CNGA1: variants seen among roughly 807,000 people sequenced by gnomAD.
CNGA1 encodes cyclic nucleotide gated channel subunit alpha 1, also known as cyclic nucleotide-gated channel alpha-1.
Under a neutral mutation model 69.7 loss-of-function variants are expected in CNGA1, and 53 were observed. The observed-to-expected ratio is 0.76, with a 90% CI of 0.61 to 0.96. The LOEUF is 0.96. Among genes scored for constraint, CNGA1 ranks in the 40% least tolerant of loss-of-function variants. CNGA1 has a pLI of 0.00. For synonymous variants in CNGA1, 249 were observed against 283.5 expected, an observed-to-expected ratio of 0.88 and a Z score of 1.22; for missense variants, 739 against 811.2, an observed-to-expected ratio of 0.91 and a Z score of 1.08.
At chr4:47,969,881 A>C (rs1321992099) in intron 3 of CNGA1, among the ~76,000 whole-genome samples, 7 of 152,246 alleles carry the variant, frequency 4.6e-5, no homozygotes, top group Admixed American at 3.9e-4. Flanking sequence ...TACTAGCCAC[A>C]GGAAGTGTAC....
intron 3 of CNGA1, among the ~76,000 whole-genome samples, chr4:47,977,023 T>C (rs1351831963): frequency 1.3e-5 from 2 of 152,072 alleles, no homozygotes; most frequent in Admixed American, 6.6e-5. Context: ...GTAGAGGAAA[T>C]GAGCTTTCTT....
chr4:47,938,118 G>A (rs560036772), intron 10 of CNGA1, among the ~76,000 whole-genome samples: 2 of 150,374 alleles, frequency 1.3e-5, no homozygotes, highest in South Asian at 2.1e-4. Flanking sequence ...TGAGGCTGCA[G>A]TGAGCCATGA....
At chr4:47,954,683 G>A (rs1739957223) in intron 3 of CNGA1, among the ~76,000 whole-genome samples, 1 of 152,204 alleles carries the variant, frequency 6.6e-6, no homozygotes. Context: ...GATCACCTAG[G>A]CGTGGAGTTT....
chr4:47,949,029 G>A (rs577223171), intron 6 of CNGA1, among the ~76,000 whole-genome samples: 17 of 152,290 alleles, frequency 1.1e-4, no homozygotes, highest in African/African-American at 3.6e-4. Context: ...AAATAACCAG[G>A]ATCCTGGAGT....
rs570313956 is a variant in CNGA1, at chr4:48,016,657, C to T, written c.-397G>A. The T allele has an allele frequency of 3.5e-6, 2 of 568,582 alleles. No homozygotes were observed. Among genetic ancestry groups the T allele is most frequent in the Middle Eastern group, 4.7e-4 (1 of 2,138 alleles). 35.2% of individuals were successfully genotyped at this position (568,582 alleles called of 1,614,324 possible). On this transcript the variant is annotated 5_prime_UTR_variant, in exon 1 of 11. Transcript: ENST00000514170. ...GGCCCTGAGAATTCGCAACAAGCCCCGGGCAGCAGGGCTCGGCTGGCGCTG... is the reference window on the plus strand; with the variant it reads ...GGCCCTGAGAATTCGCAACAAGCCCTGGGCAGCAGGGCTCGGCTGGCGCTG...
At chr4:47,975,615 G>T (rs1374232839) in intron 3 of CNGA1, among the ~76,000 whole-genome samples, 4 of 152,088 alleles carry the variant, frequency 2.6e-5, no homozygotes, top group Non-Finnish European at 5.9e-5. Context: ...TTAAGAGCAA[G>T]AATTCTGTTT....
chr4:47,945,891 T>A (rs1021021303), intron 6 of CNGA1, among the ~76,000 whole-genome samples: 5 of 151,846 alleles, frequency 3.3e-5, no homozygotes, highest in African/African-American at 1.2e-4. Flanking sequence ...GCAGCTGACA[T>A]GTCCTATGTG....
At chr4:47,994,700 C>A (rs1742409014) in intron 2 of CNGA1, among the ~76,000 whole-genome samples, 1 of 152,096 alleles carries the variant, frequency 6.6e-6, no homozygotes, top group Non-Finnish European at 1.5e-5. Flanking sequence ...AGGTGCCATT[C>A]CATTCATTGT....
intron 3 of CNGA1, among the ~76,000 whole-genome samples, chr4:47,974,533 G>A (rs140017094): frequency 9.2e-5 from 14 of 152,024 alleles, no homozygotes; most frequent in Non-Finnish European, 1.9e-4. Context: ...TTAAAATAAT[G>A]TTTTCCATTA....
At chr4:47,985,820 G>A (rs1180212348) in intron 2 of CNGA1, among the ~76,000 whole-genome samples, 1 of 151,480 alleles carries the variant, frequency 6.6e-6, no homozygotes, top group Admixed American at 6.6e-5. Context: ...CTGGGATCAT[G>A]TGGATTAGTT....
At chr4:48,011,733 T>G (rs930205429) in intron 1 of CNGA1, among the ~76,000 whole-genome samples, 2 of 152,158 alleles carry the variant, frequency 1.3e-5, no homozygotes, top group East Asian at 3.8e-4. Context: ...GTGGGACAAT[T>G]TAAAACCAGG....
chr4:47,970,839 A>G, intron 3 of CNGA1: 1 of 453,278 alleles, frequency 2.2e-6, no homozygotes, highest in South Asian at 1.6e-5. Context: ...GAAGGAAAAA[A>G]AAGGTATTGG....
chr4:47,973,738 T>G (rs1741172547), intron 3 of CNGA1, among the ~76,000 whole-genome samples: 1 of 152,122 alleles, frequency 6.6e-6, no homozygotes, highest in South Asian at 2.1e-4. Context: ...GGCACTAAAT[T>G]ACATAGCTAC....
At chr4:48,012,558 CTTT>C (rs528643370) in intron 1 of CNGA1, among the ~76,000 whole-genome samples, 15 of 64,992 alleles carry the variant, frequency 2.3e-4, no homozygotes, top group South Asian at 6.5e-4. Context: ...ACCACACCAT[CTTT>C]TTTTTTTTTT....
chr4:47,965,459 C>G (rs1264443549), intron 3 of CNGA1, among the ~76,000 whole-genome samples: 2 of 149,910 alleles, frequency 1.3e-5, no homozygotes, highest in Non-Finnish European at 3.0e-5. Flanking sequence ...CAGAGTCTCA[C>G]TCTGTCACCC....
chr4:47,942,230 A>T (rs1739127243), intron 8 of CNGA1, 82 bp from the exon 9 acceptor site: 1 of 857,976 alleles, frequency 1.2e-6, no homozygotes, highest in African/African-American at 1.7e-5. Flanking sequence ...CGTTATGCCC[A>T]TCAACCACAA....
chr4:47,981,657 A>G lies in CNGA1; in HGVS notation c.-122-157T>C, dbSNP rs570691806. On this transcript the variant is annotated intron_variant, in intron 2 of 10. Transcript: ENST00000514170. ...CGGCATTGGATTTGCGGATTTACAC[A>G]TGGATGAAAATAACAGCAACATCAT... is the stretch of plus-strand genomic sequence containing the variant. The G allele has an allele frequency of 5.3e-5, 8 of 152,306 alleles. No homozygotes were observed. The South Asian group carries it at 1.2e-3, about 24-fold the overall frequency. The allele number at this position is 152,306 out of a possible 1,614,324, so 9.4% of individuals were successfully genotyped here. A position where few individuals can be genotyped will look rare whatever the true frequency, so the allele number is the denominator to read the frequency against.
At chr4:48,002,455 T>C (rs899519981) in intron 2 of CNGA1, among the ~76,000 whole-genome samples, 1 of 151,934 alleles carries the variant, frequency 6.6e-6, no homozygotes, top group Non-Finnish European at 1.5e-5. Context: ...ACATGGGAAA[T>C]GGAGTTTGTA....
At chr4:47,954,512 C>T (rs1337474452) in intron 3 of CNGA1, among the ~76,000 whole-genome samples, 2 of 152,214 alleles carry the variant, frequency 1.3e-5, no homozygotes, top group Non-Finnish European at 2.9e-5. Context: ...GAGCCACACC[C>T]CTGCCGCACG....
Sources: allele counts gnomAD v4.1 joint callset (sites outside exome capture counted in the v4.1 genomes callset), GRCh38; gene constraint gnomAD v4.1.1; transcripts MANE v1.5; gene names NCBI Gene and HGNC (gene_info 2026-07-23, HGNC 2026-07-21).